The following DRC11L variants were observed in gnomAD, a reference collection of about 807,000 sequenced individuals.
DRC11L encodes the protein dynein regulatory complex subunit like-11.
the DRC11L span, chr7:151,195,705 G>T: frequency 2.5e-6 from 1 of 399,444 alleles, no homozygotes; most frequent in South Asian, 1.3e-4. Context: ...GGGCTGGGAG[G>T]ACAGGTGGGA....
chr7:151,204,383 A>C, the DRC11L span: 1 of 386,896 alleles, frequency 2.6e-6, no homozygotes, highest in East Asian at 3.7e-5. Context: ...CCCCATCCCT[A>C]CCCCACCCGA....
At chr7:151,197,960 G>T in the DRC11L span, 1 of 394,494 alleles carries the variant, frequency 2.5e-6, no homozygotes, top group South Asian at 1.3e-4. Context: ...ATGGACAAAT[G>T]GATGGATGGA....
chr7:151,191,946 C>G, the DRC11L span: 2 of 398,864 alleles, frequency 5.0e-6, no homozygotes, highest in African/African-American at 4.1e-5. Context: ...AAGGCCTGAG[C>G]AGCCCCCGCC....
chr7:151,192,829 C>G, the DRC11L span: 3 of 398,970 alleles, frequency 7.5e-6, no homozygotes, highest in Admixed American at 4.4e-5. Context: ...AGTCGGGCTA[C>G]CTGGATGGGT....
chr7:151,192,449 T>A, the DRC11L span: 1 of 399,260 alleles, frequency 2.5e-6, no homozygotes, highest in Non-Finnish European at 4.4e-6. Flanking sequence ...CCGCTTTGGG[T>A]CCATCTGCTC....
the DRC11L span, chr7:151,204,444 C>A: frequency 3.8e-6 from 1 of 261,582 alleles, no homozygotes; most frequent in East Asian, 6.6e-5. Context: ...CAAGGCCGGT[C>A]CCACCCCACC....
the DRC11L span, chr7:151,192,344 A>G: frequency 2.5e-6 from 1 of 399,236 alleles, no homozygotes; most frequent in Non-Finnish European, 4.4e-6. Flanking sequence ...CAGACCCCGC[A>G]TCTCGGCCAG....
the DRC11L span, among the ~76,000 whole-genome samples, chr7:151,194,899 C>G: frequency 0.011 from 1,681 of 152,346 alleles, 30 homozygotes; most frequent in African/African-American, 0.037. Context: ...CAAAGGTCCA[C>G]CATTAGAAAT....
the DRC11L span, among the ~76,000 whole-genome samples, chr7:151,199,719 G>GC: frequency 1.3e-5 from 2 of 152,218 alleles, no homozygotes; most frequent in East Asian, 3.8e-4. The surrounding 1 kb of genome is among the most constrained non-coding windows in gnomAD (Gnocchi z 5.2). Flanking sequence ...CCCCAGCCCA[G>GC]CCCCCTCCTC....
At chr7:151,197,755 G>C in the DRC11L span, 3 of 390,410 alleles carry the variant, frequency 7.7e-6, no homozygotes, top group Non-Finnish European at 1.4e-5. Flanking sequence ...CACCCCACTC[G>C]CTATTCTCTG....
At chr7:151,196,455 C>T in the DRC11L span, 1 of 399,264 alleles carries the variant, frequency 2.5e-6, no homozygotes. Context: ...CACCTGTATC[C>T]GGATCTCCAG....
the DRC11L span, chr7:151,194,583 CAG>C: frequency 1.8e-5 from 7 of 399,474 alleles, no homozygotes. Context: ...GCTCTTCGTA[CAG>C]AGACTCCACA....
chr7:151,192,737 C>T, the DRC11L span: 1 of 399,226 alleles, frequency 2.5e-6, no homozygotes, highest in Admixed American at 4.4e-5. Flanking sequence ...ATCCATGCTC[C>T]CTCACCTCCT....
the DRC11L span, among the ~76,000 whole-genome samples, chr7:151,198,168 G>A: frequency 6.6e-6 from 1 of 150,654 alleles, no homozygotes; most frequent in African/African-American, 2.5e-5. Context: ...GTGGGTAGAT[G>A]TGTGGATGGA....
the DRC11L span, chr7:151,192,393 C>T: frequency 1.8e-5 from 7 of 399,330 alleles, no homozygotes; most frequent in Admixed American, 4.4e-5. Context: ...ATCACACGGT[C>T]TCCGGGAGTC....
At chr7:151,191,273 G>T in the DRC11L span, among the ~76,000 whole-genome samples, 1 of 152,118 alleles carries the variant, frequency 6.6e-6, no homozygotes, top group African/African-American at 2.4e-5. Flanking sequence ...CGTTCTTAGT[G>T]GGCAAGCCCT....
chr7:151,192,093 A>G, the DRC11L span, among the ~76,000 whole-genome samples: 20 of 152,310 alleles, frequency 1.3e-4, no homozygotes, highest in Admixed American at 7.8e-4. Flanking sequence ...GCCTCGGAGG[A>G]CATAGACCAC....
At chr7:151,204,708 T>C in the DRC11L span, 8 of 398,918 alleles carry the variant, frequency 2.0e-5, no homozygotes, top group East Asian at 2.5e-4. Context: ...GTAGTGCAGG[T>C]AGAGCGATGC....
At chr7:151,203,821 A>G in the DRC11L span, among the ~76,000 whole-genome samples, 1 of 152,280 alleles carries the variant, frequency 6.6e-6, no homozygotes, top group Admixed American at 6.5e-5. Flanking sequence ...TCCTCAGACT[A>G]CTACATCAGA....
Sources: allele counts gnomAD v4.1 joint callset (sites outside exome capture counted in the v4.1 genomes callset), GRCh38; gene constraint gnomAD v4.1.1; non-coding constraint Gnocchi (gnomAD v3.1); transcripts MANE v1.5; gene names NCBI Gene and HGNC (gene_info 2026-07-23, HGNC 2026-07-21).